MAPRE2: variants seen among roughly 807,000 people sequenced by gnomAD.
The protein encoded by MAPRE2 is microtubule-associated protein RP/EB family member 2.
A neutral mutation model predicts 43.2 loss-of-function variants in MAPRE2; 13 were observed. The ratio of observed to expected loss-of-function variants is 0.30; its 90% confidence interval spans 0.20 to 0.48. MAPRE2 has a LOEUF of 0.48. Among genes scored for constraint, MAPRE2 ranks in the 20% least tolerant of loss-of-function variants. MAPRE2 has a pLI of 0.99. For synonymous variants in MAPRE2, 135 were observed against 148.8 expected (o/e 0.91, Z 0.68); for missense variants, 161 against 400.2 (o/e 0.40, Z 5.10).
chr18:35,053,248 G>A (rs1219877044), intron 1 of MAPRE2, among the ~76,000 whole-genome samples: 1 of 151,980 alleles, frequency 6.6e-6, no homozygotes, highest in East Asian at 1.9e-4. Context: ...ACAAAAAATA[G>A]CTGGGAGTGG....
intron 2 of MAPRE2, among the ~76,000 whole-genome samples, chr18:35,072,379 G>C (rs1287546758): frequency 6.6e-6 from 1 of 152,186 alleles, no homozygotes; most frequent in African/African-American, 2.4e-5. Context: ...TACCCACAAA[G>C]TGGGTATATG....
chr18:35,103,156 T>A (rs545304545), intron 4 of MAPRE2, among the ~76,000 whole-genome samples: 1 of 152,134 alleles, frequency 6.6e-6, no homozygotes, highest in South Asian at 2.1e-4. Flanking sequence ...CTTTTTGAAA[T>A]TTTTTTAATA....
chr18:35,052,238 C>A (rs1905974954), intron 1 of MAPRE2, among the ~76,000 whole-genome samples: 1 of 152,170 alleles, frequency 6.6e-6, no homozygotes. Flanking sequence ...TCCAAATCTT[C>A]TCTGCCCAAA....
intron 1 of MAPRE2, among the ~76,000 whole-genome samples, chr18:34,980,096 G>T (rs913347027): frequency 7.4e-6 from 1 of 135,178 alleles, no homozygotes; most frequent in Non-Finnish European, 1.5e-5. Context: ...GCACGATTTC[G>T]GCTCACTGCA....
chr18:35,083,226 AT>A (rs796804309), intron 2 of MAPRE2, among the ~76,000 whole-genome samples: 10 of 152,348 alleles, frequency 6.6e-5, no homozygotes, highest in African/African-American at 2.4e-4. Flanking sequence ...CCTTTAAAAA[AT>A]AAAGCACCTT....
At chr18:35,111,258 T>C (rs966567532) in intron 4 of MAPRE2, among the ~76,000 whole-genome samples, 2 of 152,198 alleles carry the variant, frequency 1.3e-5, no homozygotes, top group African/African-American at 4.8e-5. Flanking sequence ...ATTTCAGCTA[T>C]TGTATTTTTC....
intron 1 of MAPRE2, among the ~76,000 whole-genome samples, chr18:35,066,368 C>T (rs1376588586): frequency 1.3e-5 from 2 of 152,120 alleles, no homozygotes; most frequent in African/African-American, 4.8e-5. Flanking sequence ...ATAAAATTTC[C>T]TTGTGTTATC....
chr18:35,028,291 T>C (rs542272171), intron 2 of MAPRE2, among the ~76,000 whole-genome samples: 33 of 152,310 alleles, frequency 2.2e-4, no homozygotes, highest in Non-Finnish European at 4.4e-4. Flanking sequence ...ACAAATCTTA[T>C]TATACCTGTT....
In MAPRE2 at chr18:35,052,296, A is replaced by C. The variant is rs151224526; in HGVS notation, c.122+10635A>C. On this transcript the variant is annotated intron_variant, in intron 1 of 6. Coordinates refer to ENST00000300249, the MANE Select transcript of MAPRE2 (RefSeq NM_014268.4). ...TTTCTGTCACCACAGATTAGATTAC[A>C]TTTTATATAAATGGGATCACAGAGA... Among the ~76,000 whole-genome samples, 32 of 152,342 alleles carry C rather than the reference A, an allele frequency of 2.1e-4. 1 individual carries two copies. Among genetic ancestry groups the C allele is most frequent in the African/African-American group, 7.0e-4 (29 of 41,574 alleles).
intron 2 of MAPRE2, among the ~76,000 whole-genome samples, chr18:35,081,025 AG>A (rs1269275339): frequency 6.6e-6 from 1 of 152,212 alleles, no homozygotes; most frequent in Non-Finnish European, 1.5e-5. Flanking sequence ...CTGCATGAGG[AG>A]GATCGTTCTC....
chr18:34,982,909 T>A (rs1352066237), intron 1 of MAPRE2, among the ~76,000 whole-genome samples: 1 of 152,202 alleles, frequency 6.6e-6, no homozygotes, highest in African/African-American at 2.4e-5. Flanking sequence ...AGAGGACACT[T>A]GAAAATTACA....
chr18:35,030,372 A>C (rs12956504), intron 2 of MAPRE2, among the ~76,000 whole-genome samples: 1 of 152,164 alleles, frequency 6.6e-6, no homozygotes. Flanking sequence ...CCCACCCTGG[A>C]TTCTGCATTC....
chr18:35,057,027 G>A (rs1906266060), intron 1 of MAPRE2, among the ~76,000 whole-genome samples: 1 of 151,892 alleles, frequency 6.6e-6, no homozygotes, highest in Admixed American at 6.6e-5. Flanking sequence ...TGTTTGTTTT[G>A]TTTTGAAACA....
intron 2 of MAPRE2, among the ~76,000 whole-genome samples, chr18:35,032,671 TG>T (rs2097048391): frequency 6.6e-6 from 1 of 152,166 alleles, no homozygotes; most frequent in African/African-American, 2.4e-5. Context: ...GACCTCTTCC[TG>T]GGTTTTTTTT....
At chr18:35,062,491 A>G (rs1038547690) in intron 1 of MAPRE2, among the ~76,000 whole-genome samples, 1 of 152,262 alleles carries the variant, frequency 6.6e-6, no homozygotes, top group Non-Finnish European at 1.5e-5. Flanking sequence ...GAAATAATGC[A>G]CCTCACTTTA....
At chr18:35,029,561 A>G in intron 2 of MAPRE2, among the ~76,000 whole-genome samples, 1 of 152,042 alleles carries the variant, frequency 6.6e-6, no homozygotes, top group Non-Finnish European at 1.5e-5. Flanking sequence ...CTCAGCTTGC[A>G]CTCTTTAATA....
At chr18:35,034,104 T>C (rs1398216973) in intron 2 of MAPRE2, among the ~76,000 whole-genome samples, 1 of 152,138 alleles carries the variant, frequency 6.6e-6, no homozygotes, top group African/African-American at 2.4e-5. Context: ...GCTACCTGAC[T>C]TCAAACTATA....
At chr18:35,005,874 G>A (rs2097031616) in intron 2 of MAPRE2, among the ~76,000 whole-genome samples, 1 of 152,058 alleles carries the variant, frequency 6.6e-6, no homozygotes, top group Non-Finnish European at 1.5e-5. Flanking sequence ...TCATGACATC[G>A]CTATTTATAA....
chr18:35,029,911 A>G (rs905828531), intron 2 of MAPRE2, among the ~76,000 whole-genome samples: 2 of 152,262 alleles, frequency 1.3e-5, no homozygotes, highest in African/African-American at 2.4e-5. Context: ...CAGTCTTGGC[A>G]TAGTGAAAAT....
Sources: allele counts gnomAD v4.1 joint callset (sites outside exome capture counted in the v4.1 genomes callset), GRCh38; gene constraint gnomAD v4.1.1; transcripts MANE v1.5; gene names NCBI Gene and HGNC (gene_info 2026-07-23, HGNC 2026-07-21).